Variants in ZFHX3 observed in about 807,000 individuals in gnomAD.
The protein encoded by ZFHX3 is zinc finger homeobox 3, also known as zinc finger homeobox protein 3.
Under a neutral mutation model 279.1 loss-of-function variants are expected in ZFHX3, and 42 were observed. The observed-to-expected ratio is 0.15, with a 90% CI of 0.12 to 0.19. The LOEUF is 0.19. ZFHX3 is among the 10% of genes least tolerant of loss of function. The probability of loss-of-function intolerance (pLI) is 1.00; values close to 1 mark genes in which losing one functional copy is unlikely to be tolerated. For missense variants in ZFHX3, 4,981 were observed against 4,754.0 expected (o/e 1.05, Z -1.40); for synonymous variants, 2,293 against 1,957.8 (o/e 1.17, Z -4.52).
At chr16:73,272,659 C>T (rs758174454) in intron 4 of ZFHX3, among the ~76,000 whole-genome samples, 2 of 152,180 alleles carry the variant, frequency 1.3e-5, no homozygotes, top group Admixed American at 6.5e-5. Flanking sequence ...AGGAACATTG[C>T]TGCTAGAATA....
intron 3 of ZFHX3, among the ~76,000 whole-genome samples, chr16:72,921,206 C>T (rs1295282038): frequency 1.3e-5 from 2 of 152,254 alleles, no homozygotes; most frequent in East Asian, 1.9e-4. Context: ...CTCCCTCTCC[C>T]GCCACACCCT....
At chr16:72,884,899 G>C (rs2038584860) in intron 4 of ZFHX3, among the ~76,000 whole-genome samples, 1 of 152,178 alleles carries the variant, frequency 6.6e-6, no homozygotes, top group Non-Finnish European at 1.5e-5. Flanking sequence ...GATGACGAGT[G>C]GTTTCTACCT....
chr16:73,796,690 C>A (rs111579440), intron 1 of ZFHX3: 1 of 152,264 alleles, frequency 6.6e-6, no homozygotes, highest in South Asian at 2.1e-4. Flanking sequence ...GAGGTCATGG[C>A]ACCTCTGCTG....
chr16:73,040,947 CCAGAGGGTGTAACACTGATGGCCTCAG>C (rs1189957036), intron 1 of ZFHX3, among the ~76,000 whole-genome samples: 1 of 152,226 alleles, frequency 6.6e-6, no homozygotes, highest in Non-Finnish European at 1.5e-5. Flanking sequence ...TCAGGCCTCA[CCAGAGGGTGTAACACTGATGGCCTCAG>C]CAGAGGGTGT....
chr16:72,922,484 T>G (rs1313713928), intron 3 of ZFHX3, among the ~76,000 whole-genome samples: 5 of 152,140 alleles, frequency 3.3e-5, no homozygotes, highest in African/African-American at 9.7e-5. Flanking sequence ...GGACAAATCC[T>G]TACCTCTAGC....
chr16:73,436,810 G>A (rs570673068), intron 3 of ZFHX3, among the ~76,000 whole-genome samples: 1 of 152,252 alleles, frequency 6.6e-6, no homozygotes, highest in African/African-American at 2.4e-5. Flanking sequence ...CTGTTTGTTT[G>A]TCTCTATGCT....
chr16:73,334,466 C>G (rs1052782415), intron 3 of ZFHX3, among the ~76,000 whole-genome samples: 2 of 152,150 alleles, frequency 1.3e-5, no homozygotes, highest in Non-Finnish European at 2.9e-5. Context: ...CTTTTGCCTC[C>G]AGGAGACCAC....
chr16:73,605,447 C>T (rs1033054401), intron 2 of ZFHX3, among the ~76,000 whole-genome samples: 6 of 152,136 alleles, frequency 3.9e-5, no homozygotes, highest in African/African-American at 1.2e-4. Context: ...TTCACATTTC[C>T]ACCACATCCC....
intron 7 of ZFHX3, among the ~76,000 whole-genome samples, chr16:73,105,557 C>T (rs1234497214): frequency 2.6e-5 from 4 of 151,412 alleles, no homozygotes; most frequent in South Asian, 2.1e-4. Context: ...TTTCAAGACC[C>T]GCCTGGCCAA....
intron 4 of ZFHX3, among the ~76,000 whole-genome samples, chr16:72,832,772 G>A (rs1343272945): frequency 6.6e-6 from 1 of 152,144 alleles, no homozygotes; most frequent in African/African-American, 2.4e-5. Context: ...AAGGGCAGCT[G>A]GCTGCAGGAG....
intron 2 of ZFHX3, among the ~76,000 whole-genome samples, chr16:73,642,072 T>TA (rs1444311101): frequency 1.3e-5 from 2 of 152,182 alleles, no homozygotes; most frequent in East Asian, 3.9e-4. Context: ...GGCAGCTGCT[T>TA]AAAGAGGGAA....
chr16:73,292,950 C>T (rs948282518), intron 4 of ZFHX3, among the ~76,000 whole-genome samples: 1 of 152,206 alleles, frequency 6.6e-6, no homozygotes, highest in Non-Finnish European at 1.5e-5. Context: ...TTGGAAGAAG[C>T]CAAGTCAACA....
At chr16:72,865,846 T>C (rs2038006582) in intron 4 of ZFHX3, among the ~76,000 whole-genome samples, 1 of 152,132 alleles carries the variant, frequency 6.6e-6, no homozygotes, top group African/African-American at 2.4e-5. Flanking sequence ...ACGCCACTCA[T>C]GCTCCTTTGA....
At chr16:73,849,137 G>C (rs1961528578) in intron 1 of ZFHX3, among the ~76,000 whole-genome samples, 1 of 152,172 alleles carries the variant, frequency 6.6e-6, no homozygotes, top group Admixed American at 6.5e-5. Flanking sequence ...CACCTTCCTT[G>C]CTTTGCACAG....
In ZFHX3 at chr16:72,787,107, G is replaced by A. The variant is rs2035417931; in HGVS notation, c.*57C>T. 1 of 1,322,858 alleles carries A rather than the reference G, an allele frequency of 7.6e-7. No individual in the cohort carries two copies. Among genetic ancestry groups the A allele is most frequent in the Non-Finnish European group, 9.7e-7 (1 of 1,027,262 alleles). The allele number at this position is 1,322,858 out of a possible 1,614,324, so 81.9% of individuals were successfully genotyped here. A position where few individuals can be genotyped will look rare whatever the true frequency, so the allele number is the denominator to read the frequency against. Reference sequence around the variant, plus strand: ...TGCAGTTAGTCTATTTTTGAAATTGGTTTGTTATTAATTTTTGTATTTAAA... The same window carrying A: ...TGCAGTTAGTCTATTTTTGAAATTGATTTGTTATTAATTTTTGTATTTAAA... On this transcript the variant is annotated 3_prime_UTR_variant, in exon 10 of 10. Transcript: ENST00000268489.
chr16:73,799,151 G>A (rs549754324), intron 1 of ZFHX3, among the ~76,000 whole-genome samples: 3 of 152,260 alleles, frequency 2.0e-5, no homozygotes, highest in Admixed American at 6.5e-5. Flanking sequence ...TGATAGAGGT[G>A]AGATGAGAAG....
chr16:73,639,446 G>C (rs1430461079), intron 2 of ZFHX3, among the ~76,000 whole-genome samples: 2 of 152,114 alleles, frequency 1.3e-5, no homozygotes, highest in Non-Finnish European at 2.9e-5. Context: ...AGGTTCAATA[G>C]TCATTGAAGA....
At chr16:73,803,007 G>A (rs1006615330) in intron 1 of ZFHX3, among the ~76,000 whole-genome samples, 2 of 152,038 alleles carry the variant, frequency 1.3e-5, no homozygotes, top group Non-Finnish European at 2.9e-5. Flanking sequence ...AGTAGAGATG[G>A]CCAGGCTGGT....
chr16:72,860,284 G>A (rs999673686), intron 4 of ZFHX3, among the ~76,000 whole-genome samples: 9 of 152,064 alleles, frequency 5.9e-5, no homozygotes, highest in Admixed American at 1.3e-4. Flanking sequence ...ATCAGGCCTC[G>A]GTGGAACGGC....
Sources: allele counts gnomAD v4.1 joint callset (sites outside exome capture counted in the v4.1 genomes callset), GRCh38; gene constraint gnomAD v4.1.1; transcripts MANE v1.5; gene names NCBI Gene and HGNC (gene_info 2026-07-23, HGNC 2026-07-21).